Variants in ILRUN observed in about 807,000 individuals in gnomAD.
The protein encoded by ILRUN is inflammation and lipid regulator with UBA-like and NBR1-like domains, also known as protein ILRUN.
A neutral mutation model predicts 33.8 loss-of-function variants in ILRUN; 3 were observed. The observed-to-expected ratio is 0.09, with a 90% confidence interval of 0.04 to 0.23. The LOEUF is 0.23. Ranked by LOEUF, ILRUN falls within the 10% of genes least tolerant of loss-of-function variation. ILRUN has a pLI of 1.00. For synonymous variants in ILRUN, 124 were observed against 138.9 expected (o/e 0.89, Z 0.75); for missense variants, 210 against 375.1 (o/e 0.56, Z 3.64).
At chr6:34,655,103 A>AT (rs1425137855) in intron 1 of ILRUN, among the ~76,000 whole-genome samples, 1 of 152,188 alleles carries the variant, frequency 6.6e-6, no homozygotes, top group East Asian at 1.9e-4. Flanking sequence ...TAACTACGGC[A>AT]TTCAAAGAAG....
Position 34,696,676 on chromosome 6 carries a change from T to C in ILRUN, c.-73A>G. 1.3e-6 allele frequency: 2 copies of C among 1,520,350 alleles called. No individual in the cohort carries two copies. The highest frequency in any genetic ancestry group is 4.6e-5 in the East Asian group (2 of 43,734). The allele number at this position is 1,520,350 out of a possible 1,614,324, so 94.2% of individuals were successfully genotyped here. Reference sequence around the variant, plus strand: ...CGCCGCGCCGCCGGGCCCGGGGACCTGGAGGGGGGCCGCTGCTAGCTAGCT... The same window carrying C: ...CGCCGCGCCGCCGGGCCCGGGGACCCGGAGGGGGGCCGCTGCTAGCTAGCT... On this transcript the variant is annotated 5_prime_UTR_variant, in exon 1 of 5. Coordinates refer to ENST00000374023, the MANE Select transcript of ILRUN (RefSeq NM_024294.4).
At chr6:34,630,629 G>A (rs957408825) in intron 3 of ILRUN, among the ~76,000 whole-genome samples, 3 of 152,150 alleles carry the variant, frequency 2.0e-5, no homozygotes, top group South Asian at 4.1e-4. Context: ...TGATCCGCCC[G>A]CCTTGGCCTC....
At chr6:34,612,276 C>G (rs1253042860) in intron 3 of ILRUN, among the ~76,000 whole-genome samples, 1 of 152,008 alleles carries the variant, frequency 6.6e-6, no homozygotes, top group Non-Finnish European at 1.5e-5. Flanking sequence ...ACAAAAAATA[C>G]AAAAATTAGC....
At chr6:34,607,874 C>T (rs1049284846) in intron 3 of ILRUN, among the ~76,000 whole-genome samples, 5 of 152,178 alleles carry the variant, frequency 3.3e-5, no homozygotes, top group Non-Finnish European at 7.3e-5. Context: ...AAGAGGATCA[C>T]TTCAGACCAA....
chr6:34,612,367 G>A (rs988276132), intron 3 of ILRUN, among the ~76,000 whole-genome samples: 2 of 152,180 alleles, frequency 1.3e-5, no homozygotes, highest in African/African-American at 4.8e-5. Flanking sequence ...GGAGGTCGAG[G>A]TTGTACCACT....
chr6:34,687,635 T>C (rs572990531), intron 1 of ILRUN, among the ~76,000 whole-genome samples: 1 of 149,406 alleles, frequency 6.7e-6, no homozygotes, highest in African/African-American at 2.5e-5. Flanking sequence ...GAGATGGAGG[T>C]TGCAGTGAGC....
At chr6:34,622,314 CAT>C (rs199886511) in intron 3 of ILRUN, among the ~76,000 whole-genome samples, 1,897 of 152,158 alleles carry the variant, frequency 0.012, 17 homozygotes, top group Middle Eastern at 0.024. Context: ...ATGTACAGAT[CAT>C]ATATGTCATA....
intron 2 of ILRUN, 151 bp downstream of exon 2, chr6:34,654,474 C>A: frequency 1.4e-6 from 1 of 723,758 alleles, no homozygotes. Context: ...AATGTTTGGT[C>A]ATCACACCAG....
chr6:34,694,608 C>T (rs376267755), intron 1 of ILRUN, among the ~76,000 whole-genome samples: 1 of 152,168 alleles, frequency 6.6e-6, no homozygotes, highest in African/African-American at 2.4e-5. Flanking sequence ...GTAACAGATA[C>T]AAATGGAGAT....
At chr6:34,591,243 G>C (rs1761286726) in intron 4 of ILRUN, among the ~76,000 whole-genome samples, 1 of 152,062 alleles carries the variant, frequency 6.6e-6, no homozygotes, top group South Asian at 2.1e-4. Flanking sequence ...GTAATCCCAG[G>C]ACCCCATAAG....
intron 3 of ILRUN, among the ~76,000 whole-genome samples, chr6:34,642,288 G>A (rs1052753638): frequency 2.6e-5 from 4 of 152,158 alleles, no homozygotes; most frequent in African/African-American, 9.7e-5. Context: ...AAGAACCAAT[G>A]ATTAATAGCA....
intron 3 of ILRUN, chr6:34,616,567 T>C (rs781210817): frequency 9.3e-5 from 140 of 1,511,294 alleles, no homozygotes; most frequent in Non-Finnish European, 1.2e-4. Flanking sequence ...AGAAGGTTCC[T>C]GCTGTGCCAG....
intron 3 of ILRUN, among the ~76,000 whole-genome samples, chr6:34,633,299 A>G (rs1762285143): frequency 6.6e-6 from 1 of 152,244 alleles, no homozygotes; most frequent in Non-Finnish European, 1.5e-5. Context: ...AACTGAAAGG[A>G]GAAAAAAAGT....
rs199639805 is a variant in ILRUN at position 34,696,628 on chromosome 6, C to A, written c.-25G>T. ...TGGCGGGGACCGGACACCCGCTTCCCCGCCTCTTCACAACCAAGCCGCCGC... is the reference window on the plus strand; with the variant it reads ...TGGCGGGGACCGGACACCCGCTTCCACGCCTCTTCACAACCAAGCCGCCGC... On this transcript the variant is annotated 5_prime_UTR_variant, in exon 1 of 5. Coordinates refer to ENST00000374023, the MANE Select transcript of ILRUN (RefSeq NM_024294.4). 2.1e-4 allele frequency: 327 copies of A among 1,594,164 alleles called. 2 individuals carry two copies. In the African/African-American group the frequency reaches 4.0e-3, roughly 20 times the overall value.
At chr6:34,650,866 C>T (rs928432447) in intron 2 of ILRUN, among the ~76,000 whole-genome samples, 7 of 152,110 alleles carry the variant, frequency 4.6e-5, no homozygotes, top group Admixed American at 2.0e-4. Flanking sequence ...ATGCCCAGCA[C>T]GCCTAAAACA....
rs1352775196 is a variant in ILRUN at position 34,588,206 on chromosome 6, G to A, written c.*2359C>T. ...GAGCTCATCTCGCCTCCAAGGATGT[G>A]CACAGAAATGGTTTGTTCTTGGGAA... On this transcript the variant is annotated 3_prime_UTR_variant, in exon 5 of 5. Coordinates refer to ENST00000374023, the MANE Select transcript of ILRUN (RefSeq NM_024294.4). 3 of 398,640 alleles carry A rather than the reference G, an allele frequency of 7.5e-6. No individual in the cohort carries two copies. The highest frequency in any genetic ancestry group is 7.1e-5 in the East Asian group (2 of 28,100). The allele number at this position is 398,640 out of a possible 1,614,324, so 24.7% of individuals were successfully genotyped here. A position where few individuals can be genotyped will look rare whatever the true frequency, so the allele number is the denominator to read the frequency against.
At chr6:34,682,194 T>C (rs1763375803) in intron 1 of ILRUN, among the ~76,000 whole-genome samples, 1 of 149,518 alleles carries the variant, frequency 6.7e-6, no homozygotes, top group Non-Finnish European at 1.5e-5. Context: ...AGACAGGGTC[T>C]TGCTCTGTCA....
chr6:34,651,763 A>C (rs1276071228), intron 2 of ILRUN, among the ~76,000 whole-genome samples: 1 of 146,992 alleles, frequency 6.8e-6, no homozygotes, highest in African/African-American at 2.5e-5. Context: ...ATATATATAT[A>C]TATCTCACTG....
At chr6:34,618,475 C>A (rs149745565) in intron 3 of ILRUN, among the ~76,000 whole-genome samples, 1 of 152,174 alleles carries the variant, frequency 6.6e-6, no homozygotes, top group Non-Finnish European at 1.5e-5. Context: ...AGCAACCAAT[C>A]CAGAACTGAC....
Sources: allele counts gnomAD v4.1 joint callset (sites outside exome capture counted in the v4.1 genomes callset), GRCh38; gene constraint gnomAD v4.1.1; transcripts MANE v1.5; gene names NCBI Gene and HGNC (gene_info 2026-07-23, HGNC 2026-07-21).